RCAN3: variants seen among roughly 807,000 people sequenced by gnomAD.
The protein encoded by RCAN3 is calcipressin-3.
RCAN3 carries 19 observed loss-of-function variants against 21.9 expected under a neutral mutation model. The ratio of observed to expected loss-of-function variants is 0.87; its 90% CI spans 0.61 to 1.27. The LOEUF is 1.27. Among genes scored for constraint, RCAN3 ranks in the 50% most tolerant of loss-of-function variants. RCAN3 has a pLI of 0.00. For missense variants in RCAN3, 240 were observed against 300.1 expected (o/e 0.80, Z 1.48); for synonymous variants, 114 against 112.3 (o/e 1.01, Z -0.09).
rs899110369 is a variant in RCAN3, at chr1:24,538,557, C to T, written c.*3280C>T. ...GTAGCTGGGACTACAGGCGCCCGCT[C>T]CCACGCCCGGCTAATTTTTTTTTTT... On this transcript the variant is annotated 3_prime_UTR_variant, in exon 5 of 5. Transcript: ENST00000374395. 6.7e-6 allele frequency: 1 copy of T among 148,208 alleles called. No homozygotes were observed. 9.2% of individuals were successfully genotyped at this position (148,208 alleles called of 1,614,324 possible). A position where few individuals can be genotyped will look rare whatever the true frequency, so the allele number is the denominator to read the frequency against.
At chr1:24,521,211 G>A (rs866455431) in intron 2 of RCAN3, among the ~76,000 whole-genome samples, 1 of 152,140 alleles carries the variant, frequency 6.6e-6, no homozygotes, top group Non-Finnish European at 1.5e-5. Context: ...TGGGTGAAAG[G>A]ACAGTCTCTT....
intron 4 of RCAN3, among the ~76,000 whole-genome samples, chr1:24,533,569 G>C (rs1649972456): frequency 6.6e-6 from 1 of 152,178 alleles, no homozygotes; most frequent in Non-Finnish European, 1.5e-5. Context: ...GGAGGCTAGG[G>C]TGGGCGGATT....
chr1:24,504,714 TTTG>T (rs751080742), intron 1 of RCAN3, among the ~76,000 whole-genome samples: 3 of 152,136 alleles, frequency 2.0e-5, no homozygotes, highest in Non-Finnish European at 4.4e-5. Flanking sequence ...TTCAACACCG[TTTG>T]TTACTTAGAA....
At chr1:24,508,016 TGCCAGTGAGCCGAGATTGC>T (rs894259858) in intron 1 of RCAN3, among the ~76,000 whole-genome samples, 15 of 152,046 alleles carry the variant, frequency 9.9e-5, no homozygotes, top group East Asian at 3.9e-4. Flanking sequence ...AGGCAGAGGT[TGCCAGTGAGCCGAGATTGC>T]GCCAGTGAGC....
At chr1:24,503,464 C>T (rs1467864177) in intron 1 of RCAN3, among the ~76,000 whole-genome samples, 3 of 152,208 alleles carry the variant, frequency 2.0e-5, no homozygotes, top group African/African-American at 7.2e-5. Flanking sequence ...TTTTGAAAAG[C>T]CGACAGGCCC....
chr1:24,529,398 G>GAA (rs1329621365), intron 2 of RCAN3, among the ~76,000 whole-genome samples: 1 of 147,280 alleles, frequency 6.8e-6, no homozygotes, highest in African/African-American at 2.5e-5. Context: ...TTTAAAAAAA[G>GAA]AAAAAAAAAG....
In RCAN3 at chr1:24,538,247, A is replaced by G. The variant is rs1650333344; in HGVS notation, c.*2970A>G. On this transcript the variant is annotated 3_prime_UTR_variant, in exon 5 of 5. Coordinates refer to ENST00000374395, the MANE Select transcript of RCAN3 (RefSeq NM_013441.4). ...AGTTCCATTGCCTTCGAGAACTAAAACTCAGCTGGAAAGCAAATTAGTCTT... is the reference window on the plus strand; with the variant it reads ...AGTTCCATTGCCTTCGAGAACTAAAGCTCAGCTGGAAAGCAAATTAGTCTT... 6.6e-6 allele frequency: 1 copy of G among 152,128 alleles called. No homozygotes were observed. The highest frequency in any genetic ancestry group is 1.9e-4 in the East Asian group (1 of 5,198). 9.4% of individuals were successfully genotyped at this position (152,128 alleles called of 1,614,324 possible). A position where few individuals can be genotyped will look rare whatever the true frequency, so the allele number is the denominator to read the frequency against.
At chr1:24,522,628 C>T (rs1648912125) in intron 2 of RCAN3, among the ~76,000 whole-genome samples, 1 of 152,126 alleles carries the variant, frequency 6.6e-6, no homozygotes, top group African/African-American at 2.4e-5. Flanking sequence ...CAGGCCTCCA[C>T]GCTTGTCTCA....
At chr1:24,523,639 C>T (rs147606263) in intron 2 of RCAN3, among the ~76,000 whole-genome samples, 31,846 of 140,804 alleles carry the variant, frequency 0.23, 4,547 homozygotes, top group African/African-American at 0.43. Context: ...CACACACACA[C>T]ACATATATAT....
At chr1:24,527,675 G>C (rs373179076) in intron 2 of RCAN3, among the ~76,000 whole-genome samples, 1 of 152,098 alleles carries the variant, frequency 6.6e-6, no homozygotes, top group Admixed American at 6.5e-5. Context: ...CTTTACATAG[G>C]CGAAGCAAGA....
At chr1:24,519,844 C>T (rs562498610) in intron 2 of RCAN3, among the ~76,000 whole-genome samples, 2 of 152,290 alleles carry the variant, frequency 1.3e-5, no homozygotes, top group East Asian at 1.9e-4. Flanking sequence ...CAAAATAGTA[C>T]GTAGGAGATT....
rs2148917696 is a variant in RCAN3, at chr1:24,537,413, A to G, written c.*2136A>G. 6.6e-6 allele frequency: 1 copy of G among 152,282 alleles called. No individual in the cohort carries two copies. The highest frequency in any genetic ancestry group is 2.1e-4 in the South Asian group (1 of 4,830). The allele number at this position is 152,282 out of a possible 1,614,324, so 9.4% of individuals were successfully genotyped here. Reference sequence around the variant, plus strand: ...TAAAATGAATTTTTTTAAAAAAGCTACTAAGTACCCATCAACTTTTTCATA... The same window carrying G: ...TAAAATGAATTTTTTTAAAAAAGCTGCTAAGTACCCATCAACTTTTTCATA... On this transcript the variant is annotated 3_prime_UTR_variant, in exon 5 of 5. Coordinates refer to ENST00000374395, the MANE Select transcript of RCAN3 (RefSeq NM_013441.4).
At chr1:24,516,310 A>G (rs377720022) in intron 2 of RCAN3, among the ~76,000 whole-genome samples, 46 of 152,252 alleles carry the variant, frequency 3.0e-4, no homozygotes, top group African/African-American at 1.0e-3. Flanking sequence ...ATAAAATAAA[A>G]TAATAATAAT....
chr1:24,503,575 A>T (rs966801897), intron 1 of RCAN3, among the ~76,000 whole-genome samples: 2 of 152,176 alleles, frequency 1.3e-5, no homozygotes, highest in African/African-American at 4.8e-5. Flanking sequence ...GTGGATCACC[A>T]TCGCATTAGT....
chr1:24,522,572 G>A (rs1410766502), intron 2 of RCAN3, among the ~76,000 whole-genome samples: 2 of 152,148 alleles, frequency 1.3e-5, no homozygotes, highest in Non-Finnish European at 2.9e-5. Flanking sequence ...ACGCGACCTG[G>A]AGGGACAGAG....
chr1:24,511,252 G>A (rs1647859124), intron 1 of RCAN3, among the ~76,000 whole-genome samples: 1 of 152,158 alleles, frequency 6.6e-6, no homozygotes, highest in African/African-American at 2.4e-5. Flanking sequence ...GGCGGAGGCT[G>A]CAGTGAGCCA....
Position 24,533,103 on chromosome 1 carries a change from G to A in RCAN3, c.390G>A (p.Val130=), listed in dbSNP as rs1649922543. Residue 130 remains valine (V), a synonymous_variant, in exon 4 of 5, where the codon GTG becomes GTA. Transcript: ENST00000374395. ...TGCAGGTGCAGATGTCCGGCGAAGT[G>A]CGGGACAAGTCCTATCTCCTGCCGC... ...YFAQVQMSGE[V]RDKSYLLPPQ... The A allele has an allele frequency of 6.6e-7, 1 of 1,513,452 alleles. No individual in the cohort carries two copies. The highest frequency in any genetic ancestry group is 1.4e-5 in the African/African-American group (1 of 71,114). The allele number at this position is 1,513,452 out of a possible 1,614,324, so 93.8% of individuals were successfully genotyped here. A position where few individuals can be genotyped will look rare whatever the true frequency, so the allele number is the denominator to read the frequency against.
chr1:24,514,586 T>A lies in RCAN3; in HGVS notation c.195+19T>A. The A allele has an allele frequency of 6.2e-7, 1 of 1,605,302 alleles. No individual in the cohort carries two copies. The highest frequency in any genetic ancestry group is 2.2e-5 in the East Asian group (1 of 44,828). On this transcript the variant is annotated intron_variant, in intron 2 of 4. Transcript: ENST00000374395. ...GCAGAAGGTAGGCATCTATCCTCCC[T>A]TTCCCTACATTTGTAGCATGTTAAA...
At chr1:24,513,297 G>T (rs1279838211) in intron 1 of RCAN3, among the ~76,000 whole-genome samples, 1 of 152,072 alleles carries the variant, frequency 6.6e-6, no homozygotes, top group Non-Finnish European at 1.5e-5. Flanking sequence ...TAGGGGCAAG[G>T]TCTCACTATG....
Sources: allele counts gnomAD v4.1 joint callset (sites outside exome capture counted in the v4.1 genomes callset), GRCh38; gene constraint gnomAD v4.1.1; transcripts MANE v1.5; gene names NCBI Gene and HGNC (gene_info 2026-07-23, HGNC 2026-07-21).